The following LRRC4C variants were observed in gnomAD, a reference collection of about 807,000 sequenced individuals.
LRRC4C encodes leucine-rich repeat-containing protein 4C.
Under a neutral mutation model 33.6 loss-of-function variants are expected in LRRC4C, and 5 were observed. That is an observed-to-expected ratio of 0.15 (90% CI 0.08 to 0.31). LRRC4C has a LOEUF of 0.31. Among genes scored for constraint, LRRC4C ranks in the 10% least tolerant of loss-of-function variants. LRRC4C has a pLI of 1.00. For missense variants in LRRC4C, 560 were observed against 796.7 expected, an observed-to-expected ratio of 0.70 and a Z score of 3.58; for synonymous variants, 329 against 302.0, an observed-to-expected ratio of 1.09 and a Z score of -0.93.
intron 2 of LRRC4C, among the ~76,000 whole-genome samples, chr11:40,795,940 T>A (rs1813047474): frequency 6.6e-6 from 1 of 152,190 alleles, no homozygotes; most frequent in Non-Finnish European, 1.5e-5. Flanking sequence ...CAAAGAGAAC[T>A]AATAATTGAG....
chr11:40,342,790 G>A (rs1479525905), intron 3 of LRRC4C, among the ~76,000 whole-genome samples: 1 of 151,968 alleles, frequency 6.6e-6, no homozygotes, highest in African/African-American at 2.4e-5. Flanking sequence ...CCCAGTTACT[G>A]TCTATTCTAC....
chr11:41,376,196 AC>A (rs2137835162), intron 1 of LRRC4C, among the ~76,000 whole-genome samples: 1 of 152,188 alleles, frequency 6.6e-6, no homozygotes, highest in East Asian at 1.9e-4. Context: ...CAATATAAAC[AC>A]CCATTGCACT....
intron 1 of LRRC4C, among the ~76,000 whole-genome samples, chr11:40,952,088 G>A (rs1225774135): frequency 1.3e-5 from 2 of 151,900 alleles, no homozygotes; most frequent in Admixed American, 1.3e-4. Context: ...TTTTATTCAT[G>A]TGTGTGATGC....
chr11:40,467,091 T>C (rs976054793), intron 3 of LRRC4C, among the ~76,000 whole-genome samples: 1 of 152,144 alleles, frequency 6.6e-6, no homozygotes, highest in African/African-American at 2.4e-5. Context: ...CAGAAACGGA[T>C]TGCCAAATTC....
chr11:41,096,512 G>T (rs1940819285), intron 1 of LRRC4C, among the ~76,000 whole-genome samples: 1 of 152,166 alleles, frequency 6.6e-6, no homozygotes, highest in African/African-American at 2.4e-5. Flanking sequence ...TAATTGTTGA[G>T]ATTATATGCT....
chr11:40,953,063 G>A (rs1322319438), intron 1 of LRRC4C, among the ~76,000 whole-genome samples: 1 of 151,788 alleles, frequency 6.6e-6, no homozygotes, highest in African/African-American at 2.4e-5. Context: ...CTAATAAAGA[G>A]GTCCTCAGAA....
At chr11:40,834,558 T>A (rs977630198) in intron 2 of LRRC4C, among the ~76,000 whole-genome samples, 18 of 152,008 alleles carry the variant, frequency 1.2e-4, no homozygotes, top group African/African-American at 4.3e-4. Context: ...AAAGGGGAGT[T>A]ATAACTGGCA....
intron 2 of LRRC4C, among the ~76,000 whole-genome samples, chr11:40,776,555 T>A (rs537239105): frequency 1.3e-5 from 2 of 152,284 alleles, no homozygotes; most frequent in South Asian, 4.1e-4. Flanking sequence ...TCTTTTGTAT[T>A]TATGTGGGAT....
At chr11:41,428,824 A>G (rs1955133450) in intron 1 of LRRC4C, among the ~76,000 whole-genome samples, 1 of 152,144 alleles carries the variant, frequency 6.6e-6, no homozygotes, top group Non-Finnish European at 1.5e-5. Flanking sequence ...AGTCTAATTG[A>G]GGAGACAGAT....
intron 5 of LRRC4C, among the ~76,000 whole-genome samples, chr11:40,162,565 C>T (rs1859244367): frequency 1.3e-5 from 2 of 152,104 alleles, no homozygotes; most frequent in Admixed American, 6.5e-5. Flanking sequence ...ATAGTACTCT[C>T]CACCTCCCCG....
At chr11:40,443,522 C>T (rs1005867497) in intron 3 of LRRC4C, among the ~76,000 whole-genome samples, 1 of 152,132 alleles carries the variant, frequency 6.6e-6, no homozygotes, top group Admixed American at 6.5e-5. Context: ...CTCTTTCAGT[C>T]AGATTCCACT....
At chr11:40,228,577 G>A (rs1864974955) in intron 5 of LRRC4C, among the ~76,000 whole-genome samples, 1 of 152,168 alleles carries the variant, frequency 6.6e-6, no homozygotes. Flanking sequence ...CAGAATAAAT[G>A]CAGCATAAGG....
intron 3 of LRRC4C, among the ~76,000 whole-genome samples, chr11:40,425,253 C>G (rs1214792737): frequency 6.6e-6 from 1 of 151,988 alleles, no homozygotes; most frequent in Non-Finnish European, 1.5e-5. Flanking sequence ...GCTGAAACAT[C>G]TGGACTAGAG....
At chr11:41,071,563 G>A (rs2098112051) in intron 1 of LRRC4C, among the ~76,000 whole-genome samples, 1 of 152,126 alleles carries the variant, frequency 6.6e-6, no homozygotes, top group African/African-American at 2.4e-5. Flanking sequence ...TCCCACTGTT[G>A]AGGCCTACTG....
intron 1 of LRRC4C, among the ~76,000 whole-genome samples, chr11:41,159,759 T>C (rs1944385768): frequency 6.6e-6 from 1 of 152,122 alleles, no homozygotes; most frequent in South Asian, 2.1e-4. Context: ...TAAAGAGAGA[T>C]ACACTTTTTA....
chr11:41,452,431 A>G (rs796395293), intron 1 of LRRC4C, among the ~76,000 whole-genome samples: 4 of 152,280 alleles, frequency 2.6e-5, no homozygotes, highest in African/African-American at 9.6e-5. Flanking sequence ...TAAAAAAGCT[A>G]GAGGATTTTT....
At chr11:40,377,881 G>C (rs529313306) in intron 3 of LRRC4C, among the ~76,000 whole-genome samples, 1 of 152,038 alleles carries the variant, frequency 6.6e-6, no homozygotes, top group Non-Finnish European at 1.5e-5. Context: ...CAGTGGTAGA[G>C]GCCAGTGACA....
chr11:40,949,651 C>A (rs952841097), intron 1 of LRRC4C, among the ~76,000 whole-genome samples: 6 of 152,150 alleles, frequency 3.9e-5, no homozygotes, highest in South Asian at 2.1e-4. Flanking sequence ...AAATACTTTA[C>A]AGACAAGCAA....
At chr11:40,594,112 G>A (rs769047874) in intron 3 of LRRC4C, among the ~76,000 whole-genome samples, 75 of 152,002 alleles carry the variant, frequency 4.9e-4, no homozygotes, top group Non-Finnish European at 6.0e-4. Context: ...GCTCTCCCTC[G>A]TCATTGCAAT....
Sources: allele counts gnomAD v4.1 joint callset (sites outside exome capture counted in the v4.1 genomes callset), GRCh38; gene constraint gnomAD v4.1.1; transcripts MANE v1.5; gene names NCBI Gene and HGNC (gene_info 2026-07-23, HGNC 2026-07-21).